VAMP5: variants seen among roughly 807,000 people sequenced by gnomAD.
VAMP5 encodes the protein vesicle associated membrane protein 5.
A neutral mutation model predicts 8.1 loss-of-function variants in VAMP5; 10 were observed. The ratio of observed to expected loss-of-function variants is 1.23; its 90% CI spans 0.76 to 2.09. The LOEUF (loss-of-function observed/expected upper bound fraction) is 2.09. Among genes scored for constraint, VAMP5 ranks in the 30% most tolerant of loss-of-function variants. VAMP5 has a pLI of 0.00. For synonymous variants in VAMP5, 62 were observed against 60.6 expected, an observed-to-expected ratio of 1.02 and a Z score of -0.11; for missense variants, 135 against 152.5, an observed-to-expected ratio of 0.89 and a Z score of 0.60.
At chr2:85,591,701 C>T (rs1198794272) in intron 1 of VAMP5, 24 bp from the exon 2 acceptor site, 2 of 1,613,784 alleles carry the variant, frequency 1.2e-6, no homozygotes, top group Non-Finnish European at 1.7e-6. Flanking sequence ...CTCATGCAGC[C>T]CTGACCTCGG....
intron 1 of VAMP5, among the ~76,000 whole-genome samples, chr2:85,587,532 G>A (rs1366314918): frequency 1.3e-5 from 2 of 151,454 alleles, no homozygotes; most frequent in Admixed American, 6.6e-5. Flanking sequence ...GATTACAGGC[G>A]TGAGCCACCA....
At chr2:85,584,546 C>T (rs1368499151) in intron 1 of VAMP5, 53 bp downstream of exon 1, 8 of 1,233,676 alleles carry the variant, frequency 6.5e-6, no homozygotes, top group Non-Finnish European at 8.1e-6. Context: ...GGGCGAGTGG[C>T]GAGGGTGGGA....
chr2:85,591,181 A>G (rs1197844869), intron 1 of VAMP5, among the ~76,000 whole-genome samples: 1 of 152,250 alleles, frequency 6.6e-6, no homozygotes, highest in Non-Finnish European at 1.5e-5. Flanking sequence ...AAAGAGGAAG[A>G]TCTGAGCTTC....
chr2:85,591,622 G>C, intron 1 of VAMP5, 103 bp from the exon 2 acceptor site: 2 of 1,542,834 alleles, frequency 1.3e-6, no homozygotes, highest in Non-Finnish European at 1.8e-6. Flanking sequence ...TTACTCTCAT[G>C]CTGTACCCAC....
intron 1 of VAMP5, among the ~76,000 whole-genome samples, chr2:85,590,581 C>T (rs1672524702): frequency 6.6e-6 from 1 of 152,176 alleles, no homozygotes; most frequent in Non-Finnish European, 1.5e-5. Context: ...CTTAAGTTTT[C>T]TGGTTTTAAG....
intron 1 of VAMP5, among the ~76,000 whole-genome samples, chr2:85,584,866 T>C (rs1034733739): frequency 2.0e-5 from 3 of 152,216 alleles, no homozygotes; most frequent in Non-Finnish European, 4.4e-5. Flanking sequence ...GTCTGTGAAG[T>C]GGGGTCAGTA....
At chr2:85,591,893 G>A in intron 2 of VAMP5, 31 bp downstream of exon 2, 1 of 1,613,292 alleles carries the variant, frequency 6.2e-7, no homozygotes, top group Non-Finnish European at 8.5e-7. Context: ...TGGAGGGGAG[G>A]GGAGAGGATT....
intron 1 of VAMP5, among the ~76,000 whole-genome samples, chr2:85,584,758 C>T (rs1284668870): frequency 6.6e-6 from 1 of 152,242 alleles, no homozygotes; most frequent in African/African-American, 2.4e-5. Flanking sequence ...TGAAGCAAAG[C>T]GGTTAAGAGC....
chr2:85,586,111 C>T (rs1343705976), intron 1 of VAMP5, among the ~76,000 whole-genome samples: 4 of 152,242 alleles, frequency 2.6e-5, no homozygotes, highest in African/African-American at 4.8e-5. Flanking sequence ...CAACCAGATT[C>T]TTTAGCCAAT....
At chr2:85,592,139 C>T (rs979750758) in intron 2 of VAMP5, among the ~76,000 whole-genome samples, 5 of 152,164 alleles carry the variant, frequency 3.3e-5, no homozygotes, top group East Asian at 3.9e-4. Context: ...CTCACTCTGT[C>T]GCCCAGGCTA....
chr2:85,588,831 T>C (rs13394092), intron 1 of VAMP5, among the ~76,000 whole-genome samples: 28,094 of 151,998 alleles, frequency 0.18, 2,767 homozygotes, highest in African/African-American at 0.25. Flanking sequence ...AGAATGTCCC[T>C]GCTCCATGTC....
chr2:85,586,469 G>C lies in VAMP5; in HGVS notation c.3+1976G>C, dbSNP rs181638169. On this transcript the variant is annotated intron_variant, in intron 1 of 2. Transcript: ENST00000306384. The stretch of plus-strand genomic sequence containing the variant: ...CACACGCCTGTAGTCCCAACTATGC[G>C]GGAGGTTGAGGCAGGAGAATCGCTT... 2.0e-4 allele frequency among the ~76,000 whole-genome samples: 30 copies of C among 152,112 alleles called. No homozygotes were observed. The East Asian group carries it at 5.6e-3, about 28-fold the overall frequency.
chr2:85,591,743 C>T lies in VAMP5; in HGVS notation c.22C>T (p.Arg8Trp), dbSNP rs745868707. MAGIELERCQQQANEVTE... is the reference protein window; with the variant it reads MAGIELEWCQQQANEVTE... ...TGTCCAGGCAGGAATAGAGTTGGAGCGGTGCCAGCAGCAGGCGAACGAGGT... is the reference window on the plus strand; with the variant it reads ...TGTCCAGGCAGGAATAGAGTTGGAGTGGTGCCAGCAGCAGGCGAACGAGGT... Residue 8 changes from arginine to tryptophan, a missense_variant, in exon 2 of 3, where the codon CGG becomes TGG. Coordinates refer to ENST00000306384, the MANE Select transcript of VAMP5 (RefSeq NM_006634.3). 19 of 1,613,914 alleles carry T rather than the reference C, an allele frequency of 1.2e-5. No homozygotes were observed. Among genetic ancestry groups the T allele is most frequent in the South Asian group, 6.6e-5 (6 of 91,068 alleles).
rs752480265 is a variant in VAMP5, at chr2:85,593,135, T to C, written c.329T>C (p.Ile110Thr). The C allele has an allele frequency of 7.4e-6, 12 of 1,614,046 alleles. No individual in the cohort carries two copies. The highest frequency in any genetic ancestry group is 5.9e-6 in the Non-Finnish European group (7 of 1,180,026). The change falls in exon 3 of 3, where the codon ATT becomes ACT. Residue 110 changes from isoleucine to threonine, a missense_variant. Physicochemically the swap from Ile to Thr is moderately conservative, Grantham distance 89 (BLOSUM62 -1). Coordinates refer to ENST00000306384, the MANE Select transcript of VAMP5 (RefSeq NM_006634.3). ...GCCCCACGGACCCAGGATGCAGGCATTGCCTCAGGGCCTGGGAACTGACCC... is the reference window on the plus strand; with the variant it reads ...GCCCCACGGACCCAGGATGCAGGCACTGCCTCAGGGCCTGGGAACTGACCC... ...SSAPRTQDAG[I>T]ASGPGN is the part of the protein sequence containing the mutation.
chr2:85,584,557 G>T, intron 1 of VAMP5, 64 bp downstream of exon 1: 1 of 1,232,454 alleles, frequency 8.1e-7, no homozygotes, highest in South Asian at 4.1e-5. Context: ...GAGGGTGGGA[G>T]AGAGGAGTCC....
intron 1 of VAMP5, among the ~76,000 whole-genome samples, chr2:85,588,913 C>A (rs1254349183): frequency 1.3e-5 from 2 of 152,132 alleles, no homozygotes; most frequent in Non-Finnish European, 2.9e-5. Flanking sequence ...CTATCTGTAT[C>A]GCACAGTGTA....
At chr2:85,584,705 C>T (rs1016896664) in intron 1 of VAMP5, among the ~76,000 whole-genome samples, 1 of 152,250 alleles carries the variant, frequency 6.6e-6, no homozygotes, top group African/African-American at 2.4e-5. Context: ...CCCGTCCTGG[C>T]TGCACCGCGC....
At chr2:85,586,263 C>G (rs1672458154) in intron 1 of VAMP5, among the ~76,000 whole-genome samples, 1 of 152,190 alleles carries the variant, frequency 6.6e-6, no homozygotes, top group Non-Finnish European at 1.5e-5. Flanking sequence ...TTTAACACCT[C>G]TGAGCCAAAG....
chr2:85,587,465 A>G (rs1672480619), intron 1 of VAMP5, among the ~76,000 whole-genome samples: 1 of 151,538 alleles, frequency 6.6e-6, no homozygotes, highest in African/African-American at 2.4e-5. Context: ...TATTGGCCAG[A>G]CTGGTCTCAG....
Sources: allele counts gnomAD v4.1 joint callset (sites outside exome capture counted in the v4.1 genomes callset), GRCh38; gene constraint gnomAD v4.1.1; transcripts MANE v1.5; gene names NCBI Gene and HGNC (gene_info 2026-07-23, HGNC 2026-07-21).